The following ADAP1 variants were observed in gnomAD, a reference collection of about 807,000 sequenced individuals.
The protein encoded by ADAP1 is ArfGAP with dual PH domains 1, also known as arf-GAP with dual PH domain-containing protein 1.
ADAP1 carries 31 observed loss-of-function variants against 54.9 expected under a neutral mutation model. That is an observed-to-expected ratio of 0.56 (90% confidence interval 0.42 to 0.76). The LOEUF (loss-of-function observed/expected upper bound fraction) is 0.76. ADAP1 is among the 30% of genes least tolerant of loss of function. The pLI, the probability that ADAP1 is intolerant of heterozygous loss-of-function variation, is 0.00. For missense variants in ADAP1, 535 were observed against 512.4 expected (o/e 1.04, Z -0.42); for synonymous variants, 313 against 202.6 (o/e 1.55, Z -4.63).
Position 920,817 on chromosome 7 carries a change from A to T in ADAP1, c.306-767T>A, listed in dbSNP as rs778581118. 89 of 1,549,988 alleles carry T rather than the reference A, an allele frequency of 5.7e-5. 1 individual carries two copies. The Middle Eastern group carries it at 1.0e-3, about 17-fold the overall frequency. ...AGCCAATACCATTGCAGAAACCACG[A>T]CCCACACACAGGCCCGGCACGGCCC... On this transcript the variant is annotated intron_variant, in intron 3 of 10. Coordinates refer to ENST00000265846, the MANE Select transcript of ADAP1 (RefSeq NM_006869.4). The surrounding 1 kb of genome is among the most constrained non-coding windows in gnomAD (Gnocchi z 4.5).
chr7:935,580 C>A, intron 1 of ADAP1, 75 bp from the exon 2 acceptor site: 1 of 1,524,934 alleles, frequency 6.6e-7, no homozygotes, highest in South Asian at 1.2e-5. Context: ...AGCCTCGAGT[C>A]AGGAGCCCCC....
At chr7:919,324 G>A (rs1846065674) in intron 4 of ADAP1, among the ~76,000 whole-genome samples, 1 of 152,158 alleles carries the variant, frequency 6.6e-6, no homozygotes, top group Admixed American at 6.5e-5. Context: ...GGAAGTGCGT[G>A]GCCACCACCA....
At chr7:949,180 G>A (rs1326319639) in intron 1 of ADAP1, among the ~76,000 whole-genome samples, 2 of 152,236 alleles carry the variant, frequency 1.3e-5, no homozygotes, top group Admixed American at 6.5e-5. Context: ...CGGAGCGGGG[G>A]AAGGCGCCTT....
chr7:934,508 C>G (rs73254063), intron 2 of ADAP1, among the ~76,000 whole-genome samples: 1 of 152,080 alleles, frequency 6.6e-6, no homozygotes, highest in Non-Finnish European at 1.5e-5. Flanking sequence ...CACCTCCATG[C>G]GGCCCTTCGG....
intron 4 of ADAP1, among the ~76,000 whole-genome samples, chr7:915,425 C>T (rs1197080407): frequency 1.3e-5 from 2 of 152,230 alleles, no homozygotes; most frequent in Admixed American, 6.5e-5. Context: ...CGGACGTGGC[C>T]GCCCCGCCGG....
At chr7:942,928 GGAGTGAGGAGGAGGAAGAGA>G in intron 1 of ADAP1, among the ~76,000 whole-genome samples, 1 of 10,276 alleles carries the variant, frequency 9.7e-5, no homozygotes, top group Non-Finnish European at 1.5e-4. Context: ...GAGGAGGAAG[GGAGTGAGGAGGAGGAAGAGA>G]GAGGAGGAGG....
chr7:906,410 GA>G (rs1845334554), intron 4 of ADAP1, among the ~76,000 whole-genome samples: 1 of 29,290 alleles, frequency 3.4e-5, no homozygotes, highest in Non-Finnish European at 6.4e-5. Flanking sequence ...AGGGAAAGGA[GA>G]AAGGGAGAAA....
chr7:943,217 GA>G (rs1847021327), intron 1 of ADAP1, among the ~76,000 whole-genome samples: 1 of 45,918 alleles, frequency 2.2e-5, no homozygotes, highest in African/African-American at 1.0e-4. Context: ...TGAGGAGGAG[GA>G]AGAGAGAGGA....
At position 905,777 on chromosome 7, in the gene ADAP1, GA is replaced by G. The variant is rs377169047; in HGVS notation, c.389-606del. ...AAGGGAGAAGGGAGAAAGGAGAAAG[GA>G]GAAAGGAGAAAGGAGAAAGGAGAAA... On this transcript the variant is annotated intron_variant, in intron 4 of 10. Coordinates refer to ENST00000265846, the MANE Select transcript of ADAP1 (RefSeq NM_006869.4). 1.0e-3 allele frequency among the ~76,000 whole-genome samples: 38 copies of G among 36,958 alleles called. 3 individuals are homozygous for G. Among genetic ancestry groups the G allele is most frequent in the Non-Finnish European group, 1.4e-3 (22 of 15,206 alleles). The allele number at this position is 36,958 out of a possible 152,430, so 24.2% of individuals were successfully genotyped here.
chr7:917,731 G>T (rs1845994244), intron 4 of ADAP1, among the ~76,000 whole-genome samples: 1 of 151,966 alleles, frequency 6.6e-6, no homozygotes, highest in Non-Finnish European at 1.5e-5. Context: ...GCCTCCCAAG[G>T]TGCTTCTTTT....
At chr7:906,222 A>C (rs1186295772) in intron 4 of ADAP1, among the ~76,000 whole-genome samples, 1 of 7,646 alleles carries the variant, frequency 1.3e-4, no homozygotes, top group East Asian at 0.029. Context: ...GGAGAAAGGG[A>C]AAGGAGAAAG....
chr7:924,937 GGGGGAGACAGCAGCTGGCACCT>G (rs1170865227), intron 3 of ADAP1, among the ~76,000 whole-genome samples: 17 of 152,206 alleles, frequency 1.1e-4, no homozygotes, highest in Admixed American at 1.0e-3. Flanking sequence ...TGAGGGCTCA[GGGGGAGACAGCAGCTGGCACCT>G]GGGGCCTCAG....
rs370543452 is a variant in ADAP1, at chr7:905,009, C to T, written c.501+51G>A. 6.3e-4 allele frequency: 972 copies of T among 1,541,644 alleles called. 6 individuals are homozygous for T. The South Asian group carries it at 7.2e-3, about 11-fold the overall frequency. The stretch of plus-strand genomic sequence containing the variant: ...CACCACAGGCCCCAGTGTGGGAGGC[C>T]GGGATGCCGCCCTGGGACAGGCCCC... On this transcript the variant is annotated intron_variant, in intron 5 of 10. Coordinates refer to ENST00000265846, the MANE Select transcript of ADAP1 (RefSeq NM_006869.4).
intron 6 of ADAP1, chr7:900,970 C>T: frequency 1.9e-6 from 1 of 528,842 alleles, no homozygotes; most frequent in Non-Finnish European, 3.8e-6. Flanking sequence ...CCTGGGCCAA[C>T]TTGCCTTCCT....
chr7:938,002 G>A lies in ADAP1; in HGVS notation c.83-2497C>T, dbSNP rs79110328. On this transcript the variant is annotated intron_variant, in intron 1 of 10. Coordinates refer to ENST00000265846, the MANE Select transcript of ADAP1 (RefSeq NM_006869.4). The surrounding 1 kb of genome is among the most constrained non-coding windows in gnomAD (Gnocchi z 4.4). The stretch of plus-strand genomic sequence containing the variant: ...CTACTTCAGCAGAGCCCCTGTCTTC[G>A]AGAGAGACCACAGGCTTTCTCCTCA... Among the ~76,000 whole-genome samples the A allele has an allele frequency of 0.063, 9,577 of 152,212 alleles. 425 individuals are homozygous for A. The highest frequency in any genetic ancestry group is 0.23 in the East Asian group (1,189 of 5,170).
chr7:899,296 G>A (rs919311538), intron 9 of ADAP1, 35 bp from the exon 10 acceptor site: 3 of 1,609,456 alleles, frequency 1.9e-6, no homozygotes, highest in Non-Finnish European at 2.5e-6. Context: ...GCGGGGCCAT[G>A]TCCCTTCCAG....
chr7:921,219 C>T (rs574250181), intron 3 of ADAP1, among the ~76,000 whole-genome samples: 1 of 152,334 alleles, frequency 6.6e-6, no homozygotes, highest in African/African-American at 2.4e-5. Context: ...AGTGCCCCCA[C>T]CTCGGCGCCG....
At chr7:929,802 TA>T (rs1164888757) in intron 2 of ADAP1, among the ~76,000 whole-genome samples, 1 of 151,984 alleles carries the variant, frequency 6.6e-6, no homozygotes, top group East Asian at 1.9e-4. Context: ...ACAAAGCTGT[TA>T]TTAAAAAATA....
intron 6 of ADAP1, chr7:900,959 G>A: frequency 1.8e-6 from 1 of 542,758 alleles, no homozygotes; most frequent in Non-Finnish European, 3.6e-6. Flanking sequence ...TGCTGCTGGG[G>A]CCTGGGCCAA....
Sources: gnomAD v4.1 joint callset for allele counts (sites outside exome capture counted in the v4.1 genomes callset) on GRCh38, gnomAD v4.1.1 for gene constraint, Gnocchi (gnomAD v3.1) non-coding constraint, MANE v1.5 for transcripts, NCBI Gene and HGNC (gene_info 2026-07-23, HGNC 2026-07-21) for gene names.